MBNL1: variants seen among roughly 807,000 people sequenced by gnomAD.
MBNL1 encodes the protein muscleblind like splicing regulator 1.
In MBNL1, 8 loss-of-function variants were observed where a neutral mutation model predicts 42.2. The observed-to-expected ratio is 0.19, with a 90% CI of 0.11 to 0.34. MBNL1 has a LOEUF of 0.34. MBNL1 is among the 10% of genes least tolerant of loss of function. The pLI is 1.00. For synonymous variants in MBNL1, 169 were observed against 173.9 expected (o/e 0.97, Z 0.22); for missense variants, 309 against 495.3 (o/e 0.62, Z 3.57).
chr3:152,442,360 T>G (rs777914757), intron 4 of MBNL1, among the ~76,000 whole-genome samples: 9 of 152,188 alleles, frequency 5.9e-5, no homozygotes, highest in Non-Finnish European at 1.2e-4. Flanking sequence ...GCTGCATTGT[T>G]GAGCATAAAA....
chr3:152,352,835 C>T (rs546623381), intron 2 of MBNL1, among the ~76,000 whole-genome samples: 1 of 152,312 alleles, frequency 6.6e-6, no homozygotes, highest in African/African-American at 2.4e-5. Context: ...TGTCAGTGCT[C>T]ACTTAGTGTT....
chr3:152,300,156 G>T lies in MBNL1; in HGVS notation c.-38G>T. On this transcript the variant is annotated 5_prime_UTR_variant, in exon 2 of 10. Transcript: ENST00000324210. The stretch of plus-strand genomic sequence containing the variant: ...TTTTTTGGGGGGGTTGGGTTTGTTG[G>T]TTTCACTGAAACATTTAACTACCTG... The T allele has an allele frequency of 6.9e-7, 1 of 1,447,746 alleles. No homozygotes were observed. The highest frequency in any genetic ancestry group is 9.4e-7 in the Non-Finnish European group (1 of 1,067,774). 89.7% of individuals were successfully genotyped at this position (1,447,746 alleles called of 1,614,324 possible).
At position 152,459,266 on chromosome 3, in the gene MBNL1, G is replaced by T. The variant is rs1740167246; in HGVS notation, c.1093-5G>T. 1 of 1,550,534 alleles carries T rather than the reference G, an allele frequency of 6.4e-7. No individual in the cohort carries two copies. Among genetic ancestry groups the T allele is most frequent in the Non-Finnish European group, 8.8e-7 (1 of 1,140,086 alleles). On this transcript the variant is annotated splice_polypyrimidine_tract_variant and splice_region_variant and intron_variant, in intron 8 of 9. Transcript: ENST00000324210. ...TCATTCATTAAATAATTTTTTATTTGCTAGATACCCATAATATCTGCCGAA... is the reference window on the plus strand; with the variant it reads ...TCATTCATTAAATAATTTTTTATTTTCTAGATACCCATAATATCTGCCGAA...
intron 4 of MBNL1, among the ~76,000 whole-genome samples, chr3:152,438,785 G>T (rs1298357616): frequency 6.6e-6 from 1 of 152,204 alleles, no homozygotes; most frequent in Non-Finnish European, 1.5e-5. Context: ...ATTTGTAAAT[G>T]ATATGGTTTT....
chr3:152,272,329 A>G (rs536583635), intron 1 of MBNL1, among the ~76,000 whole-genome samples: 1 of 152,252 alleles, frequency 6.6e-6, no homozygotes, highest in South Asian at 2.1e-4. Flanking sequence ...TAGAGATTTG[A>G]TGGTGAGGTA....
At chr3:152,365,737 C>T (rs2096317130) in intron 2 of MBNL1, among the ~76,000 whole-genome samples, 1 of 152,054 alleles carries the variant, frequency 6.6e-6, no homozygotes, top group Admixed American at 6.6e-5. Context: ...TTATGCAATT[C>T]TATTAAACAT....
At chr3:152,416,616 C>G (rs1294215328) in intron 3 of MBNL1, among the ~76,000 whole-genome samples, 1 of 152,150 alleles carries the variant, frequency 6.6e-6, no homozygotes, top group Non-Finnish European at 1.5e-5. Flanking sequence ...TTAAAGCATG[C>G]TTACCACCAG....
intron 3 of MBNL1, among the ~76,000 whole-genome samples, chr3:152,421,894 C>G (rs2098810935): frequency 6.6e-6 from 1 of 151,946 alleles, no homozygotes; most frequent in Non-Finnish European, 1.5e-5. Flanking sequence ...GATTTTGTCA[C>G]CACCAGGCCT....
chr3:152,412,296 T>C (rs1277525646), intron 2 of MBNL1, among the ~76,000 whole-genome samples: 1 of 152,198 alleles, frequency 6.6e-6, no homozygotes, highest in Non-Finnish European at 1.5e-5. Flanking sequence ...ACATGTCAAA[T>C]GAAAATTTAT....
chr3:152,261,684 A>G (rs1297906507), intron 2 of MBNL1, among the ~76,000 whole-genome samples: 1 of 152,228 alleles, frequency 6.6e-6, no homozygotes, highest in Admixed American at 6.5e-5. Context: ...CCTCTAGGAA[A>G]GAAACCTGAC....
intron 6 of MBNL1, among the ~76,000 whole-genome samples, chr3:152,453,926 A>T (rs13080211): frequency 6.6e-6 from 1 of 152,216 alleles, no homozygotes; most frequent in Non-Finnish European, 1.5e-5. Context: ...TGGCTTTAAT[A>T]TTACTTAATT....
intron 4 of MBNL1, 92 bp downstream of exon 4, chr3:152,433,012 T>G: frequency 2.5e-6 from 3 of 1,198,842 alleles, no homozygotes; most frequent in Non-Finnish European, 3.5e-6. Flanking sequence ...GGCCAAAAAG[T>G]TGTAAAAATT....
intron 2 of MBNL1, among the ~76,000 whole-genome samples, chr3:152,326,792 T>TATTTATTGATTG (rs1311553091): frequency 6.7e-6 from 1 of 149,816 alleles, no homozygotes; most frequent in Non-Finnish European, 1.5e-5. Flanking sequence ...TTTATTTATT[T>TATTTATTGATTG]ATTTATTTAT....
chr3:152,317,054 A>G (rs1324520912), intron 2 of MBNL1, among the ~76,000 whole-genome samples: 1 of 152,066 alleles, frequency 6.6e-6, no homozygotes, highest in African/African-American at 2.4e-5. Context: ...TTCTTTATAA[A>G]TACCGTTTCC....
intron 7 of MBNL1, 147 bp from the exon 8 acceptor site, chr3:152,456,120 T>C (rs1733310453): frequency 1.4e-5 from 9 of 648,468 alleles, no homozygotes; most frequent in Non-Finnish European, 2.6e-5. Context: ...TGCGCTGTGA[T>C]TGCATGTCAC....
At chr3:152,264,791 G>GAA (rs1179910158), upstream of MBNL1, 1 of 152,004 alleles carries the variant, frequency 6.6e-6, no homozygotes, top group African/African-American at 2.4e-5. Context: ...ACTTAATTGA[G>GAA]AAATGCATAA....
chr3:152,401,078 T>C (rs927368392), intron 2 of MBNL1, among the ~76,000 whole-genome samples: 1 of 152,206 alleles, frequency 6.6e-6, no homozygotes, highest in Non-Finnish European at 1.5e-5. Context: ...ATTTATAATA[T>C]ACAGTCATGG....
chr3:152,448,798 A>G (rs945473901), intron 6 of MBNL1, among the ~76,000 whole-genome samples: 3 of 152,176 alleles, frequency 2.0e-5, no homozygotes, highest in Admixed American at 1.3e-4. Context: ...AATACTAACC[A>G]TAAGTTTTAT....
intron 2 of MBNL1, among the ~76,000 whole-genome samples, chr3:152,373,486 G>A (rs1323769012): frequency 1.3e-5 from 2 of 152,138 alleles, no homozygotes; most frequent in Non-Finnish European, 2.9e-5. Flanking sequence ...AAAGACCATG[G>A]GAAAAGCATA....
Sources: gnomAD v4.1 joint callset for allele counts (sites outside exome capture counted in the v4.1 genomes callset) on GRCh38, gnomAD v4.1.1 for gene constraint, MANE v1.5 for transcripts, NCBI Gene and HGNC (gene_info 2026-07-23, HGNC 2026-07-21) for gene names.